Variants in ANK2 observed in about 807,000 individuals in gnomAD.
The protein encoded by ANK2 is ankyrin 2.
ANK2 carries 83 observed loss-of-function variants against 360.5 expected under a neutral mutation model. The ratio of observed to expected loss-of-function variants is 0.23; its 90% CI spans 0.19 to 0.28. The LOEUF (loss-of-function observed/expected upper bound fraction) is 0.28, where lower values mean the gene tolerates loss of function less well. ANK2 is among the 10% of genes least tolerant of loss of function. The probability of loss-of-function intolerance (pLI) is 1.00; values close to 1 mark genes in which losing one functional copy is unlikely to be tolerated. For synonymous variants in ANK2, 1,740 were observed against 1,759.5 expected (o/e 0.99, Z 0.28); for missense variants, 4,201 against 4,795.7 (o/e 0.88, Z 3.66).
At chr4:112,858,391 A>G (rs1012207980) in intron 1 of ANK2, among the ~76,000 whole-genome samples, 4 of 152,204 alleles carry the variant, frequency 2.6e-5, no homozygotes, top group Non-Finnish European at 5.9e-5. Context: ...AAGCCCTTAT[A>G]TCAACCTTGC....
At chr4:112,730,252 CAAAAAAA>C in the ANK2 span, among the ~76,000 whole-genome samples, 4 of 50,900 alleles carry the variant, frequency 7.9e-5, no homozygotes, top group Non-Finnish European at 1.0e-4. Context: ...GACTCTGTCT[CAAAAAAA>C]AAAAAAAAAA....
At chr4:112,898,409 A>G (rs1206383772) in intron 1 of ANK2, among the ~76,000 whole-genome samples, 1 of 152,074 alleles carries the variant, frequency 6.6e-6, no homozygotes, top group African/African-American at 2.4e-5. Context: ...GGTTAAGTAT[A>G]TTGTGGGATA....
At chr4:113,026,967 G>A (rs1362871161) in intron 2 of ANK2, among the ~76,000 whole-genome samples, 2 of 152,094 alleles carry the variant, frequency 1.3e-5, no homozygotes, top group Admixed American at 1.3e-4. Context: ...GAGATCCAGA[G>A]GTATGCTGCT....
At chr4:113,297,924 G>A (rs2153773823) in intron 22 of ANK2, among the ~76,000 whole-genome samples, 1 of 152,026 alleles carries the variant, frequency 6.6e-6, no homozygotes, top group South Asian at 2.1e-4. Context: ...GGAGTAGTAG[G>A]TGGGCAGGTG....
At chr4:112,731,293 C>CAA in the ANK2 span, among the ~76,000 whole-genome samples, 17 of 64,878 alleles carry the variant, frequency 2.6e-4, no homozygotes, top group African/African-American at 6.9e-4. Flanking sequence ...GATGTAGTCT[C>CAA]AAAAAAAAAA....
At chr4:112,909,782 C>T (rs1220832157) in intron 2 of ANK2, among the ~76,000 whole-genome samples, 7 of 152,228 alleles carry the variant, frequency 4.6e-5, no homozygotes, top group East Asian at 3.9e-4. Context: ...GAGACTGTGT[C>T]GAAGGTATTG....
the ANK2 span, among the ~76,000 whole-genome samples, chr4:112,755,497 CG>C: frequency 1.1e-4 from 17 of 152,136 alleles, no homozygotes; most frequent in Non-Finnish European, 1.8e-4. Context: ...TTGGGATAGG[CG>C]GTAGAGTTTG....
intron 28 of ANK2, 82 bp downstream of exon 28, chr4:113,332,152 C>A: frequency 8.1e-7 from 1 of 1,241,442 alleles, no homozygotes; most frequent in South Asian, 1.2e-5. Context: ...TCTTTTTTGT[C>A]ATTGTGCCCA....
At chr4:112,827,446 A>G in intron 1 of ANK2, 2 of 1,378,764 alleles carry the variant, frequency 1.5e-6, no homozygotes, top group East Asian at 4.6e-5. Flanking sequence ...TGAGGGCTTA[A>G]AAGACAACCT....
intron 1 of ANK2, among the ~76,000 whole-genome samples, chr4:113,153,714 CT>C (rs1288149394): frequency 6.6e-6 from 1 of 152,120 alleles, no homozygotes; most frequent in Non-Finnish European, 1.5e-5. Context: ...CTAGTTAATC[CT>C]TTATGTCAGC....
the ANK2 span, among the ~76,000 whole-genome samples, chr4:112,745,911 CA>C: frequency 5.9e-5 from 9 of 152,246 alleles, no homozygotes; most frequent in East Asian, 1.7e-3. Context: ...CCCCCTTCCC[CA>C]CTGGCTGCCC....
At chr4:113,014,376 C>T (rs1027620771) in intron 2 of ANK2, among the ~76,000 whole-genome samples, 1 of 152,098 alleles carries the variant, frequency 6.6e-6, no homozygotes, top group East Asian at 1.9e-4. Flanking sequence ...CTATGACTTG[C>T]GATAACCCTA....
At chr4:112,899,454 G>A (rs909514806) in intron 1 of ANK2, among the ~76,000 whole-genome samples, 4 of 151,702 alleles carry the variant, frequency 2.6e-5, no homozygotes, top group Middle Eastern at 3.4e-3. Flanking sequence ...TCTCCCTCTG[G>A]CCCCATAAAA....
At chr4:112,949,955 A>C (rs543648124) in intron 2 of ANK2, among the ~76,000 whole-genome samples, 2 of 152,364 alleles carry the variant, frequency 1.3e-5, no homozygotes, top group South Asian at 4.1e-4. Context: ...AGGAATTTAG[A>C]AGTAGGCAAC....
intron 2 of ANK2, among the ~76,000 whole-genome samples, chr4:112,956,432 A>G (rs2095332703): frequency 1.3e-5 from 2 of 152,182 alleles, no homozygotes; most frequent in African/African-American, 4.8e-5. Flanking sequence ...CTGAATTGCC[A>G]GCATCACTAC....
chr4:113,118,570 G>A (rs930591560), intron 1 of ANK2, among the ~76,000 whole-genome samples: 9 of 152,070 alleles, frequency 5.9e-5, no homozygotes, highest in Admixed American at 1.3e-4. Flanking sequence ...TAGATCAAAT[G>A]ACTGTTACTA....
the ANK2 span, among the ~76,000 whole-genome samples, chr4:112,737,985 T>C: frequency 2.0e-5 from 3 of 152,194 alleles, no homozygotes; most frequent in Non-Finnish European, 2.9e-5. Context: ...CAAACTACCA[T>C]ACCATTCATC....
the ANK2 span, among the ~76,000 whole-genome samples, chr4:112,796,465 T>TATACAC: frequency 6.9e-3 from 1,034 of 150,394 alleles, 5 homozygotes; most frequent in African/African-American, 0.023. Flanking sequence ...TCTATATATA[T>TATACAC]ACACACACAC....
chr4:113,012,622 A>G (rs1018204040), intron 2 of ANK2, among the ~76,000 whole-genome samples: 3 of 152,190 alleles, frequency 2.0e-5, no homozygotes, highest in East Asian at 1.9e-4. Context: ...TGGCAAACAT[A>G]TAATTTTATC....
Sources: gnomAD v4.1 joint callset for allele counts (sites outside exome capture counted in the v4.1 genomes callset) on GRCh38, gnomAD v4.1.1 for gene constraint, MANE v1.5 for transcripts, NCBI Gene and HGNC (gene_info 2026-07-23, HGNC 2026-07-21) for gene names.